The following RPS6KA5 variants were observed in gnomAD, a reference collection of about 807,000 sequenced individuals.
RPS6KA5 encodes ribosomal protein S6 kinase A5.
In RPS6KA5, 27 loss-of-function variants were observed where a neutral mutation model predicts 85.5. The ratio of observed to expected loss-of-function variants is 0.32; its 90% CI spans 0.23 to 0.44. The LOEUF (loss-of-function observed/expected upper bound fraction) is 0.44, where lower values mean the gene tolerates loss of function less well. Ranked by LOEUF, RPS6KA5 falls within the 20% of genes least tolerant of loss-of-function variation. The probability of loss-of-function intolerance (pLI) is 1.00; values close to 1 mark genes in which losing one functional copy is unlikely to be tolerated. For missense variants in RPS6KA5, 811 were observed against 980.9 expected, an observed-to-expected ratio of 0.83 and a Z score of 2.31; for synonymous variants, 334 against 348.2, an observed-to-expected ratio of 0.96 and a Z score of 0.46.
chr14:90,891,266 A>G (rs1226972406), intron 13 of RPS6KA5, among the ~76,000 whole-genome samples: 1 of 150,830 alleles, frequency 6.6e-6, no homozygotes, highest in Non-Finnish European at 1.5e-5. Context: ...TAAAATAGCT[A>G]TATAATATCT....
rs1209553897 is a variant in RPS6KA5, at chr14:90,852,998, TG to T, written c.*19075del. On this transcript the variant is annotated 3_prime_UTR_variant, in exon 17 of 17. Coordinates refer to ENST00000614987, the MANE Select transcript of RPS6KA5 (RefSeq NM_004755.4). ...CGCCCGCCTCGGCCTCCCAAAGTGC[TG>T]GGATTACAGGCATGAACCACCGTGC... 2.0e-5 allele frequency: 3 copies of T among 152,180 alleles called. No homozygotes were observed. The highest frequency in any genetic ancestry group is 2.1e-4 in the South Asian group (1 of 4,826). The allele number at this position is 152,180 out of a possible 1,614,324, so 9.4% of individuals were successfully genotyped here.
chr14:91,038,610 G>A (rs1463809204), intron 1 of RPS6KA5, among the ~76,000 whole-genome samples: 2 of 152,174 alleles, frequency 1.3e-5, no homozygotes, highest in African/African-American at 2.4e-5. Context: ...TGAAGGAGCC[G>A]CAGACCTGGC....
intron 2 of RPS6KA5, among the ~76,000 whole-genome samples, chr14:90,985,514 A>G (rs1020517839): frequency 1.3e-5 from 2 of 152,226 alleles, no homozygotes; most frequent in Admixed American, 6.5e-5. Flanking sequence ...GGTGAGAGCA[A>G]TGTTTTCTTT....
chr14:90,916,568 A>G (rs894101685), intron 7 of RPS6KA5, among the ~76,000 whole-genome samples: 1 of 152,216 alleles, frequency 6.6e-6, no homozygotes, highest in African/African-American at 2.4e-5. Context: ...TGGCACATTT[A>G]TCTAAATGAT....
chr14:90,900,064 T>TCA (rs748389225), intron 11 of RPS6KA5, 44 bp downstream of exon 11: 6 of 1,428,856 alleles, frequency 4.2e-6, no homozygotes, highest in Non-Finnish European at 5.7e-6. Flanking sequence ...TTTACAGAAT[T>TCA]CATGAATACC....
intron 12 of RPS6KA5, among the ~76,000 whole-genome samples, chr14:90,898,219 A>G (rs986771739): frequency 1.3e-5 from 2 of 152,192 alleles, no homozygotes; most frequent in African/African-American, 2.4e-5. Flanking sequence ...CTTAACTTCT[A>G]TGAGTGTCCA....
intron 3 of RPS6KA5, among the ~76,000 whole-genome samples, chr14:90,956,512 ATTG>A (rs2140403409): frequency 6.6e-6 from 1 of 152,252 alleles, no homozygotes; most frequent in Admixed American, 6.5e-5. Flanking sequence ...ATTCACATTT[ATTG>A]TTATTAACAT....
chr14:90,984,944 CTT>C (rs142922243), intron 2 of RPS6KA5, among the ~76,000 whole-genome samples: 2 of 145,732 alleles, frequency 1.4e-5, no homozygotes. Flanking sequence ...AGCCTTTAAT[CTT>C]TTTTTTTTTT....
In RPS6KA5 at chr14:90,875,518, G is replaced by C. The variant is rs141897946; in HGVS notation, c.1837-158C>G. On this transcript the variant is annotated intron_variant, in intron 14 of 16. Transcript: ENST00000614987. ...GTGATTCCTCAGGGATCTAGAACTA[G>C]AAATACCATTTGACCCAGCCATCCC... Among the ~76,000 whole-genome samples the C allele has an allele frequency of 2.4e-3, 361 of 152,224 alleles. 4 individuals carry two copies. The highest frequency in any genetic ancestry group is 6.7e-3 in the African/African-American group (278 of 41,508).
chr14:91,038,857 C>T (rs369008748), intron 1 of RPS6KA5, among the ~76,000 whole-genome samples: 63 of 152,274 alleles, frequency 4.1e-4, no homozygotes, highest in African/African-American at 1.4e-3. Flanking sequence ...ACAAACCCAC[C>T]ACAGAAGGTA....
chr14:90,992,715 G>A (rs1472155432), intron 2 of RPS6KA5, among the ~76,000 whole-genome samples: 2 of 152,122 alleles, frequency 1.3e-5, no homozygotes, highest in African/African-American at 4.8e-5. Flanking sequence ...TTGAATGTGT[G>A]GCAGAACTCA....
intron 1 of RPS6KA5, among the ~76,000 whole-genome samples, chr14:91,016,292 C>T (rs940243650): frequency 2.0e-5 from 3 of 152,032 alleles, no homozygotes; most frequent in African/African-American, 7.2e-5. Flanking sequence ...CCCACGCTGG[C>T]CTTGAACTCC....
chr14:90,989,078 A>G (rs2040192452), intron 2 of RPS6KA5, among the ~76,000 whole-genome samples: 1 of 152,140 alleles, frequency 6.6e-6, no homozygotes, highest in Non-Finnish European at 1.5e-5. Flanking sequence ...GTCCTAAATA[A>G]TTTTGTTTTT....
At chr14:91,034,557 T>C (rs891965222) in intron 1 of RPS6KA5, among the ~76,000 whole-genome samples, 3 of 152,166 alleles carry the variant, frequency 2.0e-5, no homozygotes, top group African/African-American at 7.2e-5. Context: ...ATCAGCACTC[T>C]GTAAAATGGA....
At chr14:90,910,439 G>A (rs1312672893) in intron 7 of RPS6KA5, among the ~76,000 whole-genome samples, 11 of 152,094 alleles carry the variant, frequency 7.2e-5, no homozygotes, top group Non-Finnish European at 1.6e-4. Flanking sequence ...AATAAGCAAG[G>A]ATGATGAAAT....
intron 2 of RPS6KA5, among the ~76,000 whole-genome samples, chr14:90,994,093 A>G (rs1450203221): frequency 6.6e-6 from 1 of 151,910 alleles, no homozygotes; most frequent in African/African-American, 2.4e-5. Flanking sequence ...GGGTCTCACT[A>G]TGTTGCCCAG....
At chr14:90,959,201 G>A (rs1595340051) in intron 3 of RPS6KA5, among the ~76,000 whole-genome samples, 1 of 152,314 alleles carries the variant, frequency 6.6e-6, no homozygotes, top group East Asian at 1.9e-4. Context: ...GAGCCGTAGT[G>A]TACATCATCT....
rs369639043 is a variant in RPS6KA5, at chr14:90,944,524, G to A, written c.511-1339C>T. ...TAATCCCAACATTTTGGGAGGCCGA[G>A]GTGGGCAGATCACCTGAGGTCAAGA... On this transcript the variant is annotated intron_variant, in intron 4 of 16. Coordinates refer to ENST00000614987, the MANE Select transcript of RPS6KA5 (RefSeq NM_004755.4). Among the ~76,000 whole-genome samples, 19 of 152,286 alleles carry A rather than the reference G, an allele frequency of 1.2e-4. No individual in the cohort carries two copies. The East Asian group carries it at 3.5e-3, about 28-fold the overall frequency.
intron 14 of RPS6KA5, among the ~76,000 whole-genome samples, chr14:90,879,277 A>G (rs1595108070): frequency 1.0e-5 from 1 of 98,196 alleles, no homozygotes; most frequent in African/African-American, 3.2e-5. Flanking sequence ...GCTTACACAC[A>G]TGTCACTTGT....
Sources: gnomAD v4.1 joint callset for allele counts (sites outside exome capture counted in the v4.1 genomes callset) on GRCh38, gnomAD v4.1.1 for gene constraint, MANE v1.5 for transcripts, NCBI Gene and HGNC (gene_info 2026-07-23, HGNC 2026-07-21) for gene names.